Variants in AGXT observed in about 807,000 individuals in gnomAD.
AGXT encodes the protein L-alanine: glyoxylate aminotransferase 1.
A neutral mutation model predicts 46.9 loss-of-function variants in AGXT; 41 were observed. The ratio of observed to expected loss-of-function variants is 0.88; its 90% CI spans 0.68 to 1.14. AGXT has a LOEUF of 1.14. Among genes scored for constraint, AGXT ranks in the 50% most tolerant of loss-of-function variants. AGXT has a pLI of 0.00. For missense variants in AGXT, 525 were observed against 522.7 expected, an observed-to-expected ratio of 1.00 and a Z score of -0.04; for synonymous variants, 244 against 227.9, an observed-to-expected ratio of 1.07 and a Z score of -0.64.
At chr2:240,871,729 A>G (rs1429981545) in intron 4 of AGXT, among the ~76,000 whole-genome samples, 1 of 152,182 alleles carries the variant, frequency 6.6e-6, no homozygotes, top group Non-Finnish European at 1.5e-5. Context: ...GCAGACTTCC[A>G]TATCTTGCCA....
intron 8 of AGXT, 84 bp from the exon 9 acceptor site, chr2:240,877,453 G>A (rs1281287486): frequency 7.5e-7 from 1 of 1,334,828 alleles, no homozygotes; most frequent in East Asian, 2.5e-5. Flanking sequence ...TGCAGAGTCA[G>A]GTTCTTCCTC....
intron 2 of AGXT, among the ~76,000 whole-genome samples, chr2:240,869,744 T>G (rs957554683): frequency 4.6e-5 from 7 of 152,298 alleles, no homozygotes; most frequent in African/African-American, 1.7e-4. Flanking sequence ...AGCTGAAGCC[T>G]CCCCTCAAAT....
rs989352798 is a variant in AGXT at position 240,878,769 on chromosome 2, T to C, written c.1127T>C (p.Val376Ala). The change falls in exon 11 of 11, where the codon GTG becomes GCG. Residue 376 changes from valine to alanine, a missense_variant. Transcript: ENST00000307503. ...GCCACCCGCGAGAATGTGGACCGCG[T>C]GACGGAGGCCCTGAGGGCGGCCCTG... ...CNATRENVDR[V>A]TEALRAALQH... 6.3e-7 allele frequency: 1 copy of C among 1,594,348 alleles called. No individual in the cohort carries two copies. The highest frequency in any genetic ancestry group is 1.1e-5 in the South Asian group (1 of 87,558).
At chr2:240,870,546 A>G in intron 2 of AGXT, 98 bp from the exon 3 acceptor site, 1 of 1,421,258 alleles carries the variant, frequency 7.0e-7, no homozygotes, top group Non-Finnish European at 9.7e-7. Context: ...GGTGGGGTCC[A>G]GCCCTCACAG....
intron 5 of AGXT, chr2:240,873,392 A>AC (rs952352127): frequency 1.3e-5 from 4 of 318,962 alleles, no homozygotes; most frequent in South Asian, 4.1e-5. Context: ...CCTCTGCCCA[A>AC]CCCCCCAGAG....
intron 3 of AGXT, 122 bp downstream of exon 3, chr2:240,870,830 C>A: frequency 1.1e-6 from 1 of 943,270 alleles, no homozygotes; most frequent in Non-Finnish European, 1.6e-6. Flanking sequence ...TGGTGGCTGA[C>A]CCTCAGCCCA....
At position 240,872,872 on chromosome 2, in the gene AGXT, C is replaced by T. The variant is rs541140623; in HGVS notation, c.525-107C>T. The T allele has an allele frequency of 1.2e-4, 123 of 1,004,766 alleles. 1 individual carries two copies. The South Asian group carries it at 1.5e-3, about 12-fold the overall frequency. 62.2% of individuals were successfully genotyped at this position (1,004,766 alleles called of 1,614,324 possible). On this transcript the variant is annotated intron_variant, in intron 4 of 10. Coordinates refer to ENST00000307503, the MANE Select transcript of AGXT (RefSeq NM_000030.3). Reference sequence around the variant, plus strand: ...GGGGTGGAGGTGGGAGGTGCCCTGCCTTCCTTGCCAGCCTGAGGCTCAGAA... The same window carrying T: ...GGGGTGGAGGTGGGAGGTGCCCTGCTTTCCTTGCCAGCCTGAGGCTCAGAA...
rs2058994756 is a variant in AGXT at position 240,872,246 on chromosome 2, AAGAGTTCGTGAACATGCAGGAGGAGGGTG to A, written c.525-706_525-678del. Among the ~76,000 whole-genome samples the A allele has an allele frequency of 9.8e-5, 5 of 51,190 alleles. No homozygotes were observed. The South Asian group carries it at 2.5e-3, about 25-fold the overall frequency. 33.6% of individuals were successfully genotyped at this position (51,190 alleles called of 152,430 possible). A position where few individuals can be genotyped will look rare whatever the true frequency, so the allele number is the denominator to read the frequency against. ...CGTGAACATGTAGGTGGAGGAGGAT[AAGAGTTCGTGAACATGCAGGAGGAGGGTG>A]AGAGTTCGTGAACATGCAGGAGGAG... On this transcript the variant is annotated intron_variant, in intron 4 of 10. Transcript: ENST00000307503.
chr2:240,877,249 C>A (rs1016746798), intron 8 of AGXT: 1 of 608,286 alleles, frequency 1.6e-6, no homozygotes, highest in Non-Finnish European at 3.1e-6. Context: ...CCCCTCCTTG[C>A]CCAGTCCCCT....
At position 240,878,936 on chromosome 2, in the gene AGXT, T is replaced by A; in HGVS notation, c.*115T>A. On this transcript the variant is annotated 3_prime_UTR_variant, in exon 11 of 11. Transcript: ENST00000307503. The stretch of plus-strand genomic sequence containing the variant: ...CCAGGCCTGGGGACAGGAAAGCCAC[T>A]GACCCAGCCCGGGAGGCAGAACCAG... The A allele has an allele frequency of 8.9e-7, 1 of 1,127,054 alleles. No individual in the cohort carries two copies. 69.8% of individuals were successfully genotyped at this position (1,127,054 alleles called of 1,614,324 possible). A position where few individuals can be genotyped will look rare whatever the true frequency, so the allele number is the denominator to read the frequency against.
At chr2:240,873,457 C>A in intron 5 of AGXT, 1 of 279,848 alleles carries the variant, frequency 3.6e-6, no homozygotes, top group African/African-American at 2.2e-5. Context: ...CAGTGAGCAC[C>A]ACTGTCAGGG....
At chr2:240,877,996 C>T (rs765785643) in intron 9 of AGXT, 26 bp from the exon 10 acceptor site, 35 of 1,607,794 alleles carry the variant, frequency 2.2e-5, no homozygotes, top group South Asian at 1.2e-4. Context: ...CTCTCACCCA[C>T]GCACTGAGCC....
In AGXT at chr2:240,871,054, C is replaced by T. The variant is rs1465897697; in HGVS notation, c.424-295C>T. On this transcript the variant is annotated intron_variant, in intron 3 of 10. Transcript: ENST00000307503. ...GATACCCCACCCTGTGGGCTGAAGTCAACCTCAGCCTACCCGGAGTGTGGG... is the reference window on the plus strand; with the variant it reads ...GATACCCCACCCTGTGGGCTGAAGTTAACCTCAGCCTACCCGGAGTGTGGG... 8.6e-6 allele frequency: 5 copies of T among 581,640 alleles called. No homozygotes were observed. The African/African-American group carries it at 9.3e-5, about 11-fold the overall frequency. The allele number at this position is 581,640 out of a possible 1,614,324, so 36.0% of individuals were successfully genotyped here. A position where few individuals can be genotyped will look rare whatever the true frequency, so the allele number is the denominator to read the frequency against.
At position 240,875,962 on chromosome 2, in the gene AGXT, C is replaced by T. The variant is rs763238977; in HGVS notation, c.804C>T (p.Ser268=). 6.2e-7 allele frequency: 1 copy of T among 1,614,216 alleles called. No homozygotes were observed. Among genetic ancestry groups the T allele is most frequent in the Non-Finnish European group, 8.5e-7 (1 of 1,180,036 alleles). Residue 268 remains serine, a synonymous_variant, in exon 8 of 11, where the codon AGC becomes AGT. Coordinates refer to ENST00000307503, the MANE Select transcript of AGXT (RefSeq NM_000030.3). ...ACCATCACACAATCCCCGTCATCAGCCTGTACAGCCTGAGAGAGAGCCTGG... is the reference window on the plus strand; with the variant it reads ...ACCATCACACAATCCCCGTCATCAGTCTGTACAGCCTGAGAGAGAGCCTGG... ...RMYHHTIPVI[S]LYSLRESLAL...
intron 3 of AGXT, 170 bp from the exon 4 acceptor site, chr2:240,871,179 G>T (rs1361157859): frequency 1.3e-4 from 83 of 661,950 alleles, no homozygotes; most frequent in Admixed American, 1.8e-4. Flanking sequence ...AAAAGCCCTT[G>T]TCCCGGAGCG....
rs1159376417 is a variant in AGXT at position 240,878,694 on chromosome 2, GC to G, written c.1072-17del. ...GGTCCCAGGCGGGAGGCTGACGTCA[GC>G]CCGCCCTGTGCCCCCCAGGTGCTGC... On this transcript the variant is annotated intron_variant, in intron 10 of 10. Transcript: ENST00000307503. 3 of 1,541,990 alleles carry G rather than the reference GC, an allele frequency of 1.9e-6. No homozygotes were observed. Among genetic ancestry groups the G allele is most frequent in the Non-Finnish European group, 2.6e-6 (3 of 1,147,324 alleles).
intron 8 of AGXT, among the ~76,000 whole-genome samples, chr2:240,876,752 G>A (rs1559571127): frequency 6.6e-6 from 1 of 152,224 alleles, no homozygotes; most frequent in Non-Finnish European, 1.5e-5. Flanking sequence ...GCCCCTGTAA[G>A]CTAAATGCCA....
intron 2 of AGXT, 125 bp downstream of exon 2, chr2:240,869,487 C>T (rs1026223200): frequency 1.1e-5 from 13 of 1,166,128 alleles, no homozygotes; most frequent in East Asian, 2.6e-5. Context: ...TGGCCCTGTG[C>T]GCACGAACCT....
At chr2:240,870,599 A>G in intron 2 of AGXT, 45 bp from the exon 3 acceptor site, 1 of 1,545,980 alleles carries the variant, frequency 6.5e-7, no homozygotes, top group South Asian at 1.2e-5. Flanking sequence ...ACTGGCTTCT[A>G]CAGTGTGTGC....
Sources: gnomAD v4.1 joint callset for allele counts (sites outside exome capture counted in the v4.1 genomes callset) on GRCh38, gnomAD v4.1.1 for gene constraint, MANE v1.5 for transcripts, NCBI Gene and HGNC (gene_info 2026-07-23, HGNC 2026-07-21) for gene names.